Variants in DNAH14 observed in about 807,000 individuals in gnomAD.
The protein encoded by DNAH14 is dynein axonemal heavy chain 14.
A neutral mutation model predicts 520.9 loss-of-function variants in DNAH14; 478 were observed. That is an observed-to-expected ratio of 0.92 (90% CI 0.85 to 0.99). The LOEUF (loss-of-function observed/expected upper bound fraction) is 0.99. DNAH14 is among the 50% of genes least tolerant of loss of function. DNAH14 has a pLI of 0.00. For missense variants in DNAH14, 4,831 were observed against 5,234.5 expected, an observed-to-expected ratio of 0.92 and a Z score of 2.38; for synonymous variants, 1,581 against 1,757.2, an observed-to-expected ratio of 0.90 and a Z score of 2.51.
Position 225,240,316 on chromosome 1 carries a change from T to C in DNAH14, c.6519-277T>C, listed in dbSNP as rs559910844. 3.9e-4 allele frequency among the ~76,000 whole-genome samples: 58 copies of C among 150,232 alleles called. 1 individual carries two copies. The South Asian group carries it at 0.012, about 31-fold the overall frequency. On this transcript the variant is annotated intron_variant, in intron 42 of 85. Transcript: ENST00000682510. ...AAAGTATATTATAAATAAAAGCATA[T>C]ATATGTTAAATAAAAACATATTAAA...
At chr1:225,053,270 A>G (rs899689899) in intron 17 of DNAH14, among the ~76,000 whole-genome samples, 3 of 152,046 alleles carry the variant, frequency 2.0e-5, no homozygotes, top group African/African-American at 7.2e-5. Context: ...GGGGACAGCA[A>G]GGGAAAGGTC....
chr1:225,008,935 C>A (rs2064442391), intron 10 of DNAH14, among the ~76,000 whole-genome samples: 1 of 151,890 alleles, frequency 6.6e-6, no homozygotes, highest in Non-Finnish European at 1.5e-5. Flanking sequence ...TTGTTCATAT[C>A]CTTTGCCCAC....
chr1:224,963,247 G>T (rs2060954792), intron 4 of DNAH14, among the ~76,000 whole-genome samples: 2 of 151,860 alleles, frequency 1.3e-5, no homozygotes, highest in South Asian at 4.2e-4. Flanking sequence ...TTTGTGTATG[G>T]TAGCTTTTCT....
At chr1:225,333,187 A>T in intron 65 of DNAH14, 104 bp from the exon 66 acceptor site, 1 of 864,438 alleles carries the variant, frequency 1.2e-6, no homozygotes, top group Non-Finnish European at 1.7e-6. Flanking sequence ...TGAGAACAGC[A>T]GTAGTAATTG....
chr1:225,113,704 T>A (rs1186131035), intron 23 of DNAH14, among the ~76,000 whole-genome samples: 1 of 152,180 alleles, frequency 6.6e-6, no homozygotes, highest in Non-Finnish European at 1.5e-5. Flanking sequence ...GACACAGTCC[T>A]TCTCACTCTT....
Position 225,078,826 on chromosome 1 carries a change from CTCTCTCT to C in DNAH14, c.2425-380_2425-374del, listed in dbSNP as rs2072671638. ...TCTCTCTCTCTCTCTCTCTCTCTCC[CTCTCTCT>C]CTCTCTCTCCCTCTCTCTCTCTCTC... On this transcript the variant is annotated intron_variant, in intron 17 of 85. Coordinates refer to ENST00000682510, the MANE Select transcript of DNAH14 (RefSeq NM_001367479.1). 2.4e-5 allele frequency among the ~76,000 whole-genome samples: 2 copies of C among 84,520 alleles called. 1 individual carries two copies. The highest frequency in any genetic ancestry group is 4.7e-5 in the Non-Finnish European group (2 of 42,364). 55.4% of individuals were successfully genotyped at this position (84,520 alleles called of 152,430 possible). A position where few individuals can be genotyped will look rare whatever the true frequency, so the allele number is the denominator to read the frequency against.
At chr1:225,368,680 A>C (rs1383813383) in intron 77 of DNAH14, among the ~76,000 whole-genome samples, 2 of 152,176 alleles carry the variant, frequency 1.3e-5, no homozygotes, top group East Asian at 3.9e-4. Context: ...TTACCCATTC[A>C]TTTATATAAT....
chr1:225,063,700 A>G (rs1159410582), intron 17 of DNAH14, among the ~76,000 whole-genome samples: 1 of 152,106 alleles, frequency 6.6e-6, no homozygotes, highest in East Asian at 1.9e-4. Flanking sequence ...TCTATGGGAA[A>G]TGAGAAGGTG....
At position 225,398,528 on chromosome 1, in the gene DNAH14, T is replaced by C; in HGVS notation, c.13500T>C (p.Ala4500=). The C allele has an allele frequency of 6.4e-7, 1 of 1,551,732 alleles. No individual in the cohort carries two copies. Among genetic ancestry groups the C allele is most frequent in the Non-Finnish European group, 8.7e-7 (1 of 1,146,968 alleles). ...CCTCTCTTCCATCTTAGGGCTCAGC[T>C]TCCTCTCACACTGGAGTTTACATTT... ...NIVRRAFKGS[A]SSHTGVYIFG... Residue 4500 remains alanine, a synonymous_variant, in exon 85 of 86, where the codon GCT becomes GCC. Coordinates refer to ENST00000682510, the MANE Select transcript of DNAH14 (RefSeq NM_001367479.1).
At position 224,983,225 on chromosome 1, in the gene DNAH14, G is replaced by A. The variant is rs767959229; in HGVS notation, c.830+9072G>A. 9.7e-4 allele frequency among the ~76,000 whole-genome samples: 147 copies of A among 151,964 alleles called. 1 individual carries two copies. The highest frequency in any genetic ancestry group is 4.7e-4 in the Non-Finnish European group (32 of 68,014). ...TATAATGTCTCTGTCTCTTTTAACCGCTGTTGCTTTAAAGTTTGTTTTGTC... is the reference window on the plus strand; with the variant it reads ...TATAATGTCTCTGTCTCTTTTAACCACTGTTGCTTTAAAGTTTGTTTTGTC... On this transcript the variant is annotated intron_variant, in intron 8 of 85. Transcript: ENST00000682510.
intron 45 of DNAH14, 85 bp downstream of exon 45, chr1:225,258,203 T>C (rs1314006718): frequency 1.6e-6 from 2 of 1,234,640 alleles, no homozygotes; most frequent in Admixed American, 3.7e-5. Flanking sequence ...ATTTTGTAAG[T>C]GGGAAAAAAA....
chr1:225,346,318 A>C lies in DNAH14; in HGVS notation c.11035A>C (p.Lys3679Gln), dbSNP rs749657157. 3.2e-6 allele frequency: 5 copies of C among 1,541,222 alleles called. No homozygotes were observed. Among genetic ancestry groups the C allele is most frequent in the Admixed American group, 2.1e-5 (1 of 47,432 alleles). Residue 3679 changes from lysine (K) to glutamine (Q), a missense_variant, in exon 70 of 86, where the codon AAA becomes CAA. Coordinates refer to ENST00000682510, the MANE Select transcript of DNAH14 (RefSeq NM_001367479.1). ...ISKEPNLENE[K>Q]NLLDKHIKSA... is the part of the protein sequence containing the mutation. ...AAAAGAACCCAACCTGGAAAATGAG[A>C]AAAATCTCTTAGATAAGCATATTAA...
chr1:225,190,232 A>G (rs2085253553), intron 37 of DNAH14, among the ~76,000 whole-genome samples: 1 of 151,238 alleles, frequency 6.6e-6, no homozygotes, highest in Admixed American at 6.6e-5. Flanking sequence ...AATGAAATAG[A>G]ACAATTATAA....
intron 75 of DNAH14, 138 bp downstream of exon 75, chr1:225,361,029 C>A: frequency 1.3e-6 from 1 of 785,740 alleles, no homozygotes; most frequent in Non-Finnish European, 2.0e-6. Flanking sequence ...CTTAACCTAT[C>A]TTATATTGGT....
chr1:225,155,464 G>A (rs919225384), intron 34 of DNAH14, among the ~76,000 whole-genome samples: 1 of 152,166 alleles, frequency 6.6e-6, no homozygotes, highest in Non-Finnish European at 1.5e-5. Flanking sequence ...TTGATGGCAT[G>A]TAAATAGGCG....
At chr1:225,267,824 GGTCAGACGTCA>G (rs2093173538) in intron 49 of DNAH14, among the ~76,000 whole-genome samples, 1 of 151,566 alleles carries the variant, frequency 6.6e-6, no homozygotes, top group Non-Finnish European at 1.5e-5. Flanking sequence ...AGCGCTATCA[GGTCAGACGTCA>G]GTCAGACTGA....
At chr1:225,019,555 A>G (rs1191979148) in intron 10 of DNAH14, among the ~76,000 whole-genome samples, 2 of 152,144 alleles carry the variant, frequency 1.3e-5, no homozygotes, top group African/African-American at 4.8e-5. Flanking sequence ...TAAACTTGAT[A>G]CTTGACCAGT....
At chr1:225,295,028 T>G (rs1194541141) in intron 55 of DNAH14, among the ~76,000 whole-genome samples, 3 of 152,118 alleles carry the variant, frequency 2.0e-5, no homozygotes, top group African/African-American at 7.2e-5. Context: ...TCCCTCTAGG[T>G]TTTTGAATTT....
At chr1:225,172,466 A>G (rs3991320) in intron 36 of DNAH14, among the ~76,000 whole-genome samples, 47,858 of 152,024 alleles carry the variant, frequency 0.31, 8,717 homozygotes, top group East Asian at 0.61. Flanking sequence ...TTATACACCA[A>G]TAACAGACAA....
Sources: gnomAD v4.1 joint callset for allele counts (sites outside exome capture counted in the v4.1 genomes callset) on GRCh38, gnomAD v4.1.1 for gene constraint, MANE v1.5 for transcripts, NCBI Gene and HGNC (gene_info 2026-07-23, HGNC 2026-07-21) for gene names.